DAAM1: variants seen among roughly 807,000 people sequenced by gnomAD.
DAAM1 encodes disheveled-associated activator of morphogenesis 1.
DAAM1 carries 52 observed loss-of-function variants against 130.0 expected under a neutral mutation model. The observed-to-expected ratio is 0.40, with a 90% CI of 0.32 to 0.50. DAAM1 has a LOEUF of 0.50. Among genes scored for constraint, DAAM1 ranks in the 20% least tolerant of loss-of-function variants. DAAM1 has a pLI of 0.61. For synonymous variants in DAAM1, 452 were observed against 444.5 expected, an observed-to-expected ratio of 1.02 and a Z score of -0.21; for missense variants, 1,134 against 1,303.8, an observed-to-expected ratio of 0.87 and a Z score of 2.01.
intron 1 of DAAM1, among the ~76,000 whole-genome samples, chr14:59,222,197 C>A (rs1169229992): frequency 6.6e-6 from 1 of 152,138 alleles, no homozygotes; most frequent in East Asian, 1.9e-4. Context: ...AGTTCGGGCC[C>A]CTTTCCTCAT....
intron 1 of DAAM1, among the ~76,000 whole-genome samples, chr14:59,207,530 C>T (rs994692127): frequency 6.6e-6 from 1 of 152,156 alleles, no homozygotes. Flanking sequence ...TAAAACATAT[C>T]AATAATGAAA....
intron 15 of DAAM1, chr14:59,338,429 A>G: frequency 2.5e-6 from 4 of 1,613,142 alleles, no homozygotes; most frequent in Non-Finnish European, 3.4e-6. Context: ...GTGAGCTACT[A>G]CCTAAAGCTT....
intron 1 of DAAM1, among the ~76,000 whole-genome samples, chr14:59,234,083 C>T (rs905060620): frequency 4.6e-5 from 7 of 152,152 alleles, no homozygotes; most frequent in Non-Finnish European, 8.8e-5. Flanking sequence ...CAGCTTTGTT[C>T]TTCTTGCTTA....
chr14:59,346,946 G>A (rs1034313547), intron 16 of DAAM1, among the ~76,000 whole-genome samples: 18 of 152,044 alleles, frequency 1.2e-4, no homozygotes, highest in African/African-American at 4.3e-4. Flanking sequence ...ATCAAGAGTC[G>A]TGGGTTTGTG....
chr14:59,344,061 G>A (rs1885963762), intron 16 of DAAM1, among the ~76,000 whole-genome samples: 1 of 152,202 alleles, frequency 6.6e-6, no homozygotes, highest in Non-Finnish European at 1.5e-5. Context: ...GGGGGTGGCA[G>A]CGGGGGAGAC....
At chr14:59,331,682 T>C in intron 14 of DAAM1, 131 bp from the exon 15 acceptor site, 1 of 1,497,050 alleles carries the variant, frequency 6.7e-7, no homozygotes. Flanking sequence ...AATGACACAT[T>C]GTTTGAAACC....
At position 59,289,767 on chromosome 14, in the gene DAAM1, G is replaced by GAT; in HGVS notation, c.184-1434_184-1433dup. Among the ~76,000 whole-genome samples the GAT allele has an allele frequency of 8.7e-4, 96 of 110,254 alleles. 22 individuals are homozygous for GAT. Among genetic ancestry groups the GAT allele is most frequent in the African/African-American group, 3.2e-3 (87 of 27,562 alleles). 72.3% of individuals were successfully genotyped at this position (110,254 alleles called of 152,430 possible). On this transcript the variant is annotated intron_variant, in intron 2 of 24. Coordinates refer to ENST00000360909, the MANE Select transcript of DAAM1 (RefSeq NM_001270520.2). ...ACAGTGGACTGGATCAACAAAATGT[G>GAT]ATATATATATATATATAATGGAATG...
chr14:59,301,913 A>C (rs767639928), intron 3 of DAAM1, among the ~76,000 whole-genome samples: 7 of 152,168 alleles, frequency 4.6e-5, no homozygotes, highest in Non-Finnish European at 7.3e-5. Flanking sequence ...AGCAGTGAAA[A>C]ATGTGTGTGC....
At chr14:59,226,936 A>C (rs985920577) in intron 1 of DAAM1, among the ~76,000 whole-genome samples, 2 of 152,174 alleles carry the variant, frequency 1.3e-5, no homozygotes, top group Non-Finnish European at 2.9e-5. Flanking sequence ...TGCAGCATGA[A>C]TAGTGCCTCT....
intron 2 of DAAM1, among the ~76,000 whole-genome samples, chr14:59,283,676 T>A (rs1883317164): frequency 6.6e-6 from 1 of 152,170 alleles, no homozygotes; most frequent in Admixed American, 6.5e-5. Context: ...AGAGAAATGA[T>A]GTACCTCTCC....
rs57437992 is a variant in DAAM1, at chr14:59,203,158, A to AT, written c.-38+14413dup. On this transcript the variant is annotated intron_variant, in intron 1 of 24. Coordinates refer to ENST00000360909, the MANE Select transcript of DAAM1 (RefSeq NM_001270520.2). Reference sequence around the variant, plus strand: ...AGGCACCCGCCACCACTTCTGGCTAATTTTTTTTTTTTTTTTTTTTTTTGT... The same window carrying AT: ...AGGCACCCGCCACCACTTCTGGCTAATTTTTTTTTTTTTTTTTTTTTTTTGT... Among the ~76,000 whole-genome samples, 968 of 108,060 alleles carry AT rather than the reference A, an allele frequency of 9.0e-3. 3 individuals carry two copies. The highest frequency in any genetic ancestry group is 0.027 in the African/African-American group (798 of 29,070). The allele number at this position is 108,060 out of a possible 152,430, so 70.9% of individuals were successfully genotyped here.
intron 1 of DAAM1, among the ~76,000 whole-genome samples, chr14:59,194,767 C>T (rs1887832724): frequency 6.6e-6 from 1 of 152,192 alleles, no homozygotes; most frequent in South Asian, 2.1e-4. Context: ...TTTATTTTTA[C>T]AGTGGAGCAA....
In DAAM1 at chr14:59,323,232, GT is replaced by G. The variant is rs771717982; in HGVS notation, c.774+9del. On this transcript the variant is annotated splice_region_variant and intron_variant, in intron 6 of 24. Coordinates refer to ENST00000360909, the MANE Select transcript of DAAM1 (RefSeq NM_001270520.2). The stretch of plus-strand genomic sequence containing the variant: ...CGAAAGGACCCGCTTTCAGGTGGGT[GT>G]TCGCTCAGCCTTCTTCACTCACCCC... The G allele has an allele frequency of 1.8e-5, 28 of 1,588,678 alleles. No individual in the cohort carries two copies. Among genetic ancestry groups the G allele is most frequent in the Non-Finnish European group, 2.2e-5 (26 of 1,165,816 alleles).
At chr14:59,304,537 G>T (rs984291769) in intron 3 of DAAM1, among the ~76,000 whole-genome samples, 2 of 152,296 alleles carry the variant, frequency 1.3e-5, no homozygotes, top group East Asian at 1.9e-4. Flanking sequence ...ATTCTTCAGC[G>T]TGGTACAGAG....
Position 59,370,134 on chromosome 14 carries a change from TA to T in DAAM1, c.*1276del. On this transcript the variant is annotated 3_prime_UTR_variant, in exon 25 of 25. Transcript: ENST00000360909. ...TTATGTGATATATAAAGAGGACTGT[TA>T]CTTTTTTACTTTTTTTTTTTTTTTT... 8.6e-6 allele frequency: 1 copy of T among 116,624 alleles called. No homozygotes were observed. The highest frequency in any genetic ancestry group is 1.7e-5 in the Non-Finnish European group (1 of 59,424). 7.2% of individuals were successfully genotyped at this position (116,624 alleles called of 1,614,324 possible).
chr14:59,308,721 A>G (rs1370152012), intron 3 of DAAM1, among the ~76,000 whole-genome samples: 1 of 152,242 alleles, frequency 6.6e-6, no homozygotes, highest in East Asian at 1.9e-4. Context: ...TTATTAAAAC[A>G]TTAGGAAAAA....
At chr14:59,282,865 T>A (rs1293268817) in intron 2 of DAAM1, among the ~76,000 whole-genome samples, 1 of 152,186 alleles carries the variant, frequency 6.6e-6, no homozygotes, top group Admixed American at 6.6e-5. Flanking sequence ...ACCCATTTAT[T>A]CCTTTCCATT....
At chr14:59,274,536 G>A (rs969150989) in intron 2 of DAAM1, among the ~76,000 whole-genome samples, 2 of 152,108 alleles carry the variant, frequency 1.3e-5, no homozygotes, top group African/African-American at 4.8e-5. Context: ...CTCACACTTA[G>A]GATCCTGGGG....
intron 5 of DAAM1, among the ~76,000 whole-genome samples, chr14:59,322,594 A>G (rs1000331288): frequency 1.3e-5 from 2 of 152,114 alleles, no homozygotes; most frequent in African/African-American, 4.8e-5. Context: ...CAAGATATGT[A>G]TTCCGAGTAT....
Sources: allele counts gnomAD v4.1 joint callset (sites outside exome capture counted in the v4.1 genomes callset), GRCh38; gene constraint gnomAD v4.1.1; transcripts MANE v1.5; gene names NCBI Gene and HGNC (gene_info 2026-07-23, HGNC 2026-07-21).